The following MELTF variants were observed in gnomAD, a reference collection of about 807,000 sequenced individuals.
MELTF encodes antigen p97 (melanoma associated) identified by monoclonal antibodies 133.2 and 96.5.
Under a neutral mutation model 83.7 loss-of-function variants are expected in MELTF, and 67 were observed. The observed-to-expected ratio is 0.80, with a 90% CI of 0.66 to 0.98. The LOEUF (loss-of-function observed/expected upper bound fraction) is 0.98. Ranked by LOEUF, MELTF falls within the 50% of genes least tolerant of loss-of-function variation. The pLI is 0.00. For missense variants in MELTF, 1,002 were observed against 1,035.6 expected (o/e 0.97, Z 0.44); for synonymous variants, 462 against 447.6 (o/e 1.03, Z -0.41).
chr3:197,014,413 GTCTC>G (rs1173099676), intron 9 of MELTF, among the ~76,000 whole-genome samples: 2 of 117,180 alleles, frequency 1.7e-5, no homozygotes, highest in African/African-American at 3.8e-5. Context: ...TTTTGAGACA[GTCTC>G]TCTCTTGTCG....
intron 11 of MELTF, 114 bp downstream of exon 11, chr3:197,009,504 A>G (rs531481284): frequency 3.0e-6 from 3 of 1,012,618 alleles, no homozygotes; most frequent in Non-Finnish European, 4.3e-6. Flanking sequence ...ACCTGGGCAC[A>G]TATGCAGAAG....
intron 10 of MELTF, 65 bp from the exon 11 acceptor site, chr3:197,009,877 G>A: frequency 6.9e-7 from 1 of 1,444,932 alleles, no homozygotes; most frequent in Non-Finnish European, 9.6e-7. Flanking sequence ...GCCTGGGGGG[G>A]TCCTTCCTTC....
In MELTF at chr3:197,019,850, A is replaced by T. The variant is rs541648302; in HGVS notation, c.712+1554T>A. 2.0e-4 allele frequency: 275 copies of T among 1,401,114 alleles called. 1 individual carries two copies. Among genetic ancestry groups the T allele is most frequent in the South Asian group, 1.3e-3 (82 of 65,546 alleles). The allele number at this position is 1,401,114 out of a possible 1,614,324, so 86.8% of individuals were successfully genotyped here. On this transcript the variant is annotated intron_variant, in intron 6 of 15. Transcript: ENST00000296350. Reference sequence around the variant, plus strand: ...TAACAGCAAAGAATGACAATGATTTAAAAAAAAAACCCAATCATCAGACGT... The same window carrying T: ...TAACAGCAAAGAATGACAATGATTTTAAAAAAAAACCCAATCATCAGACGT...
rs749407131 is a variant in MELTF at position 197,015,475 on chromosome 3, C to T, written c.1123G>A (p.Glu375Lys). ...YLRWCVLSTP[E>K]IQKCGDMAVA... ...GCCATGTCTCCACACTTCTGGATCT[C>T]GGGAGTGGAGAGCACACACCAGCGC... The change falls in exon 9 of 16, where the codon GAG (glutamate) becomes AAG (lysine). Residue 375 changes from glutamate to lysine, a missense_variant. Physicochemically the swap from Glu to Lys is moderately conservative, Grantham distance 56. Coordinates refer to ENST00000296350, the MANE Select transcript of MELTF (RefSeq NM_005929.6). 1.2e-5 allele frequency: 19 copies of T among 1,611,740 alleles called. No homozygotes were observed. Among genetic ancestry groups the T allele is most frequent in the East Asian group, 2.2e-5 (1 of 44,790 alleles).
chr3:197,027,631 G>C (rs966240074), intron 2 of MELTF, 125 bp downstream of exon 2: 2 of 1,257,276 alleles, frequency 1.6e-6, no homozygotes, highest in Non-Finnish European at 2.2e-6. Context: ...AGGGAGACTC[G>C]GGAGATCCTA....
rs1002919632 is a variant in MELTF at position 197,028,089 on chromosome 3, C to G, written c.50-179G>C. On this transcript the variant is annotated intron_variant, in intron 1 of 15. Transcript: ENST00000296350. The stretch of plus-strand genomic sequence containing the variant: ...AGAGACAGGGGAAGGGCTGGTATTC[C>G]TGTGCTCAGGGCCTCTCTGACCAGG... The G allele has an allele frequency of 4.9e-5, 34 of 693,032 alleles. 1 individual carries two copies. The East Asian group carries it at 8.5e-4, about 17-fold the overall frequency. The allele number at this position is 693,032 out of a possible 1,614,324, so 42.9% of individuals were successfully genotyped here.
chr3:197,021,746 C>A (rs1719631710), intron 5 of MELTF, among the ~76,000 whole-genome samples: 1 of 152,126 alleles, frequency 6.6e-6, no homozygotes, highest in South Asian at 2.1e-4. Context: ...CAGTATGGAC[C>A]CTCTCCATCT....
chr3:197,013,069 TAGAA>T (rs1236392695), intron 9 of MELTF, among the ~76,000 whole-genome samples: 1 of 152,162 alleles, frequency 6.6e-6, no homozygotes, highest in Non-Finnish European at 1.5e-5. Context: ...TTTACAGAAT[TAGAA>T]AGAACAATCC....
chr3:197,028,746 C>T (rs1229149541), intron 1 of MELTF: 1 of 152,530 alleles, frequency 6.6e-6, no homozygotes, highest in Non-Finnish European at 1.5e-5. Context: ...GGCCTGAGCT[C>T]CTCTGCCATT....
At chr3:197,017,834 G>A (rs562894052) in intron 6 of MELTF, among the ~76,000 whole-genome samples, 109 of 152,210 alleles carry the variant, frequency 7.2e-4, no homozygotes, top group East Asian at 4.7e-3. Flanking sequence ...CCGAGATCAC[G>A]CCACTGCACT....
chr3:197,004,421 TCCTGAGCG>T, intron 14 of MELTF: 7 of 405,922 alleles, frequency 1.7e-5, no homozygotes, highest in South Asian at 4.7e-5. Flanking sequence ...TGGGTGGGAT[TCCTGAGCG>T]TTCTGCTAGG....
chr3:197,006,743 G>C lies in MELTF; in HGVS notation c.1751-7C>G, dbSNP rs774527775. 6 of 1,520,010 alleles carry C rather than the reference G, an allele frequency of 3.9e-6. No individual in the cohort carries two copies. Among genetic ancestry groups the C allele is most frequent in the Non-Finnish European group, 4.4e-6 (5 of 1,136,504 alleles). 94.2% of individuals were successfully genotyped at this position (1,520,010 alleles called of 1,614,324 possible). A position where few individuals can be genotyped will look rare whatever the true frequency, so the allele number is the denominator to read the frequency against. On this transcript the variant is annotated splice_polypyrimidine_tract_variant and splice_region_variant and intron_variant, in intron 13 of 15. Transcript: ENST00000296350. This position sits in a 1 kb window ranked among gnomAD's most constrained non-coding sequence, Gnocchi z 5.4. ...CAGGGCTCGGAATTGTGGCCTGAGG[G>C]GGGTAAAGCAGTGTGTGTGGGGACG...
intron 3 of MELTF, chr3:197,026,372 G>A (rs530333127): frequency 8.5e-5 from 35 of 413,482 alleles, no homozygotes; most frequent in South Asian, 2.8e-4. Flanking sequence ...CACCGTGCCC[G>A]GCACCACGCC....
chr3:197,006,483 G>T lies in MELTF; in HGVS notation c.1938+66C>A. On this transcript the variant is annotated intron_variant, in intron 14 of 15. Transcript: ENST00000296350. The surrounding 1 kb of genome is among the most constrained non-coding windows in gnomAD (Gnocchi z 5.4). ...AGAGGTCTGCTCCAGGTAGACTGAG[G>T]CCTCCCAGGGGCTCAGCTTACCTCT... is the stretch of plus-strand genomic sequence containing the variant. The T allele has an allele frequency of 6.9e-7, 1 of 1,444,822 alleles. No homozygotes were observed. The highest frequency in any genetic ancestry group is 1.3e-5 in the South Asian group (1 of 75,938). The allele number at this position is 1,444,822 out of a possible 1,614,324, so 89.5% of individuals were successfully genotyped here.
chr3:197,014,968 C>T (rs991844724), intron 9 of MELTF, among the ~76,000 whole-genome samples: 4 of 152,164 alleles, frequency 2.6e-5, no homozygotes, highest in Admixed American at 2.6e-4. Flanking sequence ...AACAATGATC[C>T]ACGCCCACTC....
Position 197,027,919 on chromosome 3 carries a change from A to G in MELTF, c.50-9T>C. ...CTCCATGCCACCGAGCACTGCGGGCAGGGGACCGTGAGGCCCGGCTCCCCC... is the reference window on the plus strand; with the variant it reads ...CTCCATGCCACCGAGCACTGCGGGCGGGGGACCGTGAGGCCCGGCTCCCCC... On this transcript the variant is annotated splice_polypyrimidine_tract_variant and intron_variant, in intron 1 of 15. Coordinates refer to ENST00000296350, the MANE Select transcript of MELTF (RefSeq NM_005929.6). The G allele has an allele frequency of 6.4e-7, 1 of 1,569,052 alleles. No individual in the cohort carries two copies. Among genetic ancestry groups the G allele is most frequent in the Non-Finnish European group, 8.6e-7 (1 of 1,157,484 alleles).
At chr3:197,023,192 C>G in intron 4 of MELTF, 79 bp from the exon 5 acceptor site, 1 of 1,439,438 alleles carries the variant, frequency 6.9e-7, no homozygotes, top group Non-Finnish European at 9.7e-7. Context: ...AGCAGGGGGC[C>G]CGGGCTCTCA....
At chr3:197,018,449 C>G (rs900051546) in intron 6 of MELTF, among the ~76,000 whole-genome samples, 6 of 150,750 alleles carry the variant, frequency 4.0e-5, no homozygotes, top group Non-Finnish European at 8.8e-5. Flanking sequence ...CCACACCTGG[C>G]CTTTTTTCTC....
At chr3:197,018,863 T>A in intron 6 of MELTF, 1 of 901,594 alleles carries the variant, frequency 1.1e-6, no homozygotes, top group Non-Finnish European at 1.3e-6. Context: ...TGTTTCTCGA[T>A]AGAAAAGAAA....
Sources: allele counts gnomAD v4.1 joint callset (sites outside exome capture counted in the v4.1 genomes callset), GRCh38; gene constraint gnomAD v4.1.1; non-coding constraint Gnocchi (gnomAD v3.1); transcripts MANE v1.5; gene names NCBI Gene and HGNC (gene_info 2026-07-23, HGNC 2026-07-21).